VIPR2: variants seen among roughly 807,000 people sequenced by gnomAD.
VIPR2 encodes the protein vasoactive intestinal peptide receptor 2, also known as vasoactive intestinal polypeptide receptor 2.
VIPR2 carries 48 observed loss-of-function variants against 58.0 expected under a neutral mutation model. That is an observed-to-expected ratio of 0.83 (90% CI 0.66 to 1.05). The LOEUF (loss-of-function observed/expected upper bound fraction) is 1.05. Among genes scored for constraint, VIPR2 ranks in the 50% least tolerant of loss-of-function variants. The pLI, the probability that VIPR2 is intolerant of heterozygous loss-of-function variation, is 0.00. For missense variants in VIPR2, 534 were observed against 558.0 expected, an observed-to-expected ratio of 0.96 and a Z score of 0.43; for synonymous variants, 243 against 235.2, an observed-to-expected ratio of 1.03 and a Z score of -0.30.
chr7:159,111,679 CA>C (rs529342001), intron 2 of VIPR2, among the ~76,000 whole-genome samples: 65 of 142,230 alleles, frequency 4.6e-4, no homozygotes, highest in Middle Eastern at 3.6e-3. Context: ...GATTCCGTCT[CA>C]AAAAAAAAAA....
At chr7:159,106,946 A>ACAGAGAGAGGCCAGGGAGGTG (rs1301783077) in intron 3 of VIPR2, among the ~76,000 whole-genome samples, 23 of 124,368 alleles carry the variant, frequency 1.8e-4, no homozygotes, top group Non-Finnish European at 3.6e-4. Flanking sequence ...TCAGGGAGGT[A>ACAGAGAGAGGCCAGGGAGGTG]CAGAGAGAGG....
In VIPR2 at chr7:159,043,067, T is replaced by C; in HGVS notation, c.565A>G (p.Thr189Ala). ...GATGGCTGGTCAGGGCAGTGCAACG[T>C]GCCAGAGCTGGAGTAGAGAACGTCG... ...KDDVLYSSSGTLHCPDQPSSW... is the reference protein window; with the variant it reads ...KDDVLYSSSGALHCPDQPSSW... The change falls in exon 6 of 13, where the codon ACG becomes GCG. Residue 189 changes from threonine to alanine, a missense_variant. By Grantham distance (58) the Thr-to-Ala change is moderately conservative. Transcript: ENST00000262178. 6.2e-7 allele frequency: 1 copy of C among 1,614,166 alleles called. No homozygotes were observed. The highest frequency in any genetic ancestry group is 8.5e-7 in the Non-Finnish European group (1 of 1,180,018).
chr7:159,107,681 G>T (rs1320666802), intron 3 of VIPR2, among the ~76,000 whole-genome samples: 1 of 151,276 alleles, frequency 6.6e-6, no homozygotes, highest in Admixed American at 6.6e-5. Flanking sequence ...GGAGCTGCCC[G>T]CTGCTTCTGG....
chr7:159,031,764 C>A lies in VIPR2; in HGVS notation c.1143+64G>T. 6.2e-7 allele frequency: 1 copy of A among 1,612,140 alleles called. No homozygotes were observed. The highest frequency in any genetic ancestry group is 2.2e-5 in the East Asian group (1 of 44,860). On this transcript the variant is annotated intron_variant, in intron 12 of 12. Coordinates refer to ENST00000262178, the MANE Select transcript of VIPR2 (RefSeq NM_003382.5). The surrounding 1 kb of genome is among the most constrained non-coding windows in gnomAD (Gnocchi z 4.0). ...CATGTGTGGGGGCTGCGGCACCAGG[C>A]TGGGCAGCATCTCAGGAAGCAAGTG...
chr7:159,031,365 G>A lies in VIPR2; in HGVS notation c.1143+463C>T, dbSNP rs1853569446. On this transcript the variant is annotated intron_variant, in intron 12 of 12. Transcript: ENST00000262178. The surrounding 1 kb of genome is among the most constrained non-coding windows in gnomAD (Gnocchi z 4.0). Reference sequence around the variant, plus strand: ...GGGACGGGGCCAGGCCGTTGGAGCAGCCCGGAGACAGCCTCCCTGGCTGGG... The same window carrying A: ...GGGACGGGGCCAGGCCGTTGGAGCAACCCGGAGACAGCCTCCCTGGCTGGG... 1 of 927,368 alleles carries A rather than the reference G, an allele frequency of 1.1e-6. No individual in the cohort carries two copies. The highest frequency in any genetic ancestry group is 1.3e-6 in the Non-Finnish European group (1 of 777,068). The allele number at this position is 927,368 out of a possible 1,614,324, so 57.4% of individuals were successfully genotyped here. A position where few individuals can be genotyped will look rare whatever the true frequency, so the allele number is the denominator to read the frequency against.
intron 2 of VIPR2, among the ~76,000 whole-genome samples, chr7:159,110,696 AAAC>A (rs201317049): frequency 0.26 from 31,234 of 118,776 alleles, 4,799 homozygotes; most frequent in African/African-American, 0.46. Flanking sequence ...TTGGTCGGTA[AAAC>A]AAACAAACAA....
chr7:159,101,834 T>G (rs1858277243), intron 4 of VIPR2, among the ~76,000 whole-genome samples: 1 of 132,942 alleles, frequency 7.5e-6, no homozygotes, highest in African/African-American at 3.1e-5. Flanking sequence ...CCTGTGGTAG[T>G]GAACGGGTCT....
At chr7:159,101,377 C>T (rs1169241280) in intron 4 of VIPR2, among the ~76,000 whole-genome samples, 13 of 116,592 alleles carry the variant, frequency 1.1e-4, no homozygotes, top group South Asian at 6.6e-4. Context: ...CGAGATCCGA[C>T]GAGGCGGTTC....
intron 2 of VIPR2, among the ~76,000 whole-genome samples, chr7:159,134,905 C>T (rs1019218614): frequency 2.6e-5 from 4 of 151,806 alleles, no homozygotes; most frequent in African/African-American, 9.7e-5. Context: ...GATCTGCCTG[C>T]CTCAGCCTCC....
chr7:159,032,089 AGC>A, intron 10 of VIPR2, 22 bp from the exon 11 acceptor site: 3 of 1,613,642 alleles, frequency 1.9e-6, no homozygotes, highest in Non-Finnish European at 2.5e-6. Flanking sequence ...GAGATGAGCC[AGC>A]TCAGCTGCTG....
intron 4 of VIPR2, among the ~76,000 whole-genome samples, chr7:159,094,797 T>C (rs902264958): frequency 3.3e-5 from 5 of 152,192 alleles, no homozygotes; most frequent in Admixed American, 6.5e-5. Flanking sequence ...GAGAACTTAT[T>C]TTCTTTTAAA....
chr7:159,133,280 C>T (rs1465869262), intron 2 of VIPR2, among the ~76,000 whole-genome samples: 3 of 152,304 alleles, frequency 2.0e-5, no homozygotes, highest in Non-Finnish European at 4.4e-5. Flanking sequence ...GTCTCCTGGC[C>T]ACCCCCTAAA....
At position 159,095,146 on chromosome 7, in the gene VIPR2, G is replaced by A. The variant is rs1006528144; in HGVS notation, c.357+8611C>T. Among the ~76,000 whole-genome samples, 9 of 152,284 alleles carry A rather than the reference G, an allele frequency of 5.9e-5. No individual in the cohort carries two copies. Among genetic ancestry groups the A allele is most frequent in the East Asian group, 1.9e-4 (1 of 5,194 alleles). On this transcript the variant is annotated intron_variant, in intron 4 of 12. Coordinates refer to ENST00000262178, the MANE Select transcript of VIPR2 (RefSeq NM_003382.5). The surrounding 1 kb of genome is among the most constrained non-coding windows in gnomAD (Gnocchi z 5.2). ...GGGAGCCACCACAACCACACACAGC[G>A]CACTATCCTGGCCTGGAGTCTATGA...
intron 2 of VIPR2, among the ~76,000 whole-genome samples, chr7:159,110,333 T>C (rs73527861): frequency 0.04 from 6,165 of 152,322 alleles, 411 homozygotes; most frequent in African/African-American, 0.14. Context: ...TTGATAATAT[T>C]TGTTTGATTT....
At chr7:159,134,769 C>T (rs1277145727) in intron 2 of VIPR2, among the ~76,000 whole-genome samples, 2 of 151,850 alleles carry the variant, frequency 1.3e-5, no homozygotes, top group African/African-American at 4.8e-5. Context: ...GCCATTCTCC[C>T]GCCTCAGCCT....
chr7:159,139,795 G>A (rs1225025520), intron 2 of VIPR2, among the ~76,000 whole-genome samples: 2 of 152,238 alleles, frequency 1.3e-5, no homozygotes, highest in South Asian at 2.1e-4. Context: ...AAAGTCACAC[G>A]AAAGTTCCTA....
At chr7:159,138,736 C>T (rs747591304) in intron 2 of VIPR2, among the ~76,000 whole-genome samples, 6 of 152,344 alleles carry the variant, frequency 3.9e-5, no homozygotes, top group South Asian at 2.1e-4. Context: ...TGGACGTGTG[C>T]GCACCCCAAC....
At chr7:159,050,747 A>G (rs1563273763) in intron 5 of VIPR2, among the ~76,000 whole-genome samples, 1 of 151,842 alleles carries the variant, frequency 6.6e-6, no homozygotes, top group Admixed American at 6.6e-5. Context: ...AGGTTTTTTG[A>G]AACTGACAAA....
chr7:159,050,132 C>T (rs1399091576), intron 5 of VIPR2, among the ~76,000 whole-genome samples: 1 of 151,944 alleles, frequency 6.6e-6, no homozygotes, highest in Non-Finnish European at 1.5e-5. Flanking sequence ...AGATCAGGAG[C>T]TTGAGACCAG....
Sources: allele counts gnomAD v4.1 joint callset (sites outside exome capture counted in the v4.1 genomes callset), GRCh38; gene constraint gnomAD v4.1.1; non-coding constraint Gnocchi (gnomAD v3.1); transcripts MANE v1.5; gene names NCBI Gene and HGNC (gene_info 2026-07-23, HGNC 2026-07-21).